The following SLCO5A1 variants were observed in gnomAD, a reference collection of about 807,000 sequenced individuals.
SLCO5A1 encodes solute carrier organic anion transporter family member 5A1.
SLCO5A1 carries 39 observed loss-of-function variants against 65.1 expected under a neutral mutation model. That is an observed-to-expected ratio of 0.60 (90% CI 0.46 to 0.78). The LOEUF (loss-of-function observed/expected upper bound fraction) is 0.78. SLCO5A1 is among the 30% of genes least tolerant of loss of function. SLCO5A1 has a pLI of 0.00. For missense variants in SLCO5A1, 1,029 were observed against 1,069.4 expected (o/e 0.96, Z 0.53); for synonymous variants, 438 against 415.7 (o/e 1.05, Z -0.65).
chr8:69,759,812 AT>A (rs1197744470), intron 3 of SLCO5A1, among the ~76,000 whole-genome samples: 1 of 151,954 alleles, frequency 6.6e-6, no homozygotes. Flanking sequence ...CACTCGGCTA[AT>A]TTTTTTGTAT....
At chr8:69,704,870 T>C (rs897838279) in intron 6 of SLCO5A1, 161 bp downstream of exon 6, 2 of 669,358 alleles carry the variant, frequency 3.0e-6, no homozygotes, top group African/African-American at 1.8e-5. Context: ...GCTTCTGCCC[T>C]GCAGGAGTGC....
intron 4 of SLCO5A1, among the ~76,000 whole-genome samples, chr8:69,744,860 G>T (rs970104991): frequency 6.6e-6 from 1 of 152,172 alleles, no homozygotes; most frequent in Middle Eastern, 3.2e-3. Flanking sequence ...CCACAGTGGT[G>T]AACTCACTGA....
intron 3 of SLCO5A1, among the ~76,000 whole-genome samples, chr8:69,760,932 G>T (rs1586767905): frequency 6.6e-6 from 1 of 152,334 alleles, no homozygotes; most frequent in South Asian, 2.1e-4. Flanking sequence ...AGAAAAAAGG[G>T]TCACTGAGAG....
intron 2 of SLCO5A1, among the ~76,000 whole-genome samples, chr8:69,770,905 T>A (rs536295747): frequency 1.3e-5 from 2 of 152,332 alleles, no homozygotes; most frequent in African/African-American, 4.8e-5. Context: ...TTAATCCCAT[T>A]TACCATCACA....
At chr8:69,771,414 C>T (rs1413651021) in intron 2 of SLCO5A1, among the ~76,000 whole-genome samples, 2 of 151,934 alleles carry the variant, frequency 1.3e-5, no homozygotes, top group Non-Finnish European at 2.9e-5. Context: ...TTTAAGTTTG[C>T]CTACTTTTTT....
intron 2 of SLCO5A1, among the ~76,000 whole-genome samples, chr8:69,826,943 T>C (rs978117823): frequency 6.6e-6 from 1 of 151,990 alleles, no homozygotes. Flanking sequence ...GTGGCACATA[T>C]ACACCATGGA....
chr8:69,831,706 T>C, intron 2 of SLCO5A1, 61 bp downstream of exon 2: 1 of 1,501,054 alleles, frequency 6.7e-7, no homozygotes, highest in South Asian at 1.2e-5. Context: ...CTTTTGATTT[T>C]TGTAAGGAAA....
At chr8:69,705,409 G>A (rs972247601) in intron 5 of SLCO5A1, among the ~76,000 whole-genome samples, 180 bp from the exon 6 acceptor site, 1 of 151,954 alleles carries the variant, frequency 6.6e-6, no homozygotes, top group African/African-American at 2.4e-5. Context: ...AATCAACAAC[G>A]GACTCACATC....
chr8:69,790,347 A>G (rs549834136), intron 2 of SLCO5A1, among the ~76,000 whole-genome samples: 1 of 152,248 alleles, frequency 6.6e-6, no homozygotes, highest in South Asian at 2.1e-4. Context: ...ATATACACCT[A>G]CTATGTACCC....
chr8:69,800,575 G>C (rs4130257), intron 2 of SLCO5A1, among the ~76,000 whole-genome samples: 46,471 of 151,700 alleles, frequency 0.31, 8,362 homozygotes, highest in East Asian at 0.43. Flanking sequence ...TTATTTACCA[G>C]ATAGCTGTTC....
intron 5 of SLCO5A1, among the ~76,000 whole-genome samples, chr8:69,712,035 A>G (rs952029663): frequency 7.2e-5 from 11 of 152,206 alleles, no homozygotes; most frequent in African/African-American, 1.4e-4. Flanking sequence ...TGTTCTTTAA[A>G]TATACAAACC....
intron 1 of SLCO5A1, among the ~76,000 whole-genome samples, chr8:69,834,443 G>A (rs987662742): frequency 6.6e-6 from 1 of 152,218 alleles, no homozygotes; most frequent in Non-Finnish European, 1.5e-5. Context: ...GCTGTGCTGG[G>A]CCAAACCCGC....
At chr8:69,796,641 C>CAT (rs201858106) in intron 2 of SLCO5A1, among the ~76,000 whole-genome samples, 2,156 of 134,042 alleles carry the variant, frequency 0.016, 51 homozygotes, top group African/African-American at 0.053. Context: ...TATATATATA[C>CAT]ACACACACAT....
chr8:69,707,850 G>A (rs1586707707), intron 5 of SLCO5A1, among the ~76,000 whole-genome samples: 1 of 152,174 alleles, frequency 6.6e-6, no homozygotes, highest in Non-Finnish European at 1.5e-5. Flanking sequence ...AGGAAGAAAT[G>A]TGTGTGCGGA....
chr8:69,691,597 G>A (rs920804071), intron 6 of SLCO5A1, among the ~76,000 whole-genome samples: 1 of 152,134 alleles, frequency 6.6e-6, no homozygotes, highest in African/African-American at 2.4e-5. Context: ...TCTGTGACCA[G>A]CTTTTTTCAC....
intron 6 of SLCO5A1, among the ~76,000 whole-genome samples, chr8:69,683,088 C>T (rs1363979689): frequency 6.6e-6 from 1 of 152,084 alleles, no homozygotes; most frequent in Non-Finnish European, 1.5e-5. Context: ...AAAATAAATT[C>T]AGGCAACAAA....
At chr8:69,743,716 T>C (rs1586749241) in intron 4 of SLCO5A1, among the ~76,000 whole-genome samples, 1 of 152,084 alleles carries the variant, frequency 6.6e-6, no homozygotes, top group South Asian at 2.1e-4. Flanking sequence ...GTTTTTACCA[T>C]AGGACCTGAT....
chr8:69,806,071 A>G (rs1378239106), intron 2 of SLCO5A1, among the ~76,000 whole-genome samples: 1 of 152,184 alleles, frequency 6.6e-6, no homozygotes, highest in Non-Finnish European at 1.5e-5. Context: ...AGACTCCCCC[A>G]ACCCCCGCCA....
chr8:69,757,066 T>C (rs1817568684), intron 3 of SLCO5A1, among the ~76,000 whole-genome samples: 1 of 152,260 alleles, frequency 6.6e-6, no homozygotes, highest in South Asian at 2.1e-4. Context: ...AATTCATTTT[T>C]TAAAATAATG....
Sources: gnomAD v4.1 joint callset for allele counts (sites outside exome capture counted in the v4.1 genomes callset) on GRCh38, gnomAD v4.1.1 for gene constraint, MANE v1.5 for transcripts, NCBI Gene and HGNC (gene_info 2026-07-23, HGNC 2026-07-21) for gene names.